Variants in ABHD17B observed in about 807,000 individuals in gnomAD.
The protein encoded by ABHD17B is abhydrolase domain containing 17B, depalmitoylase, also known as alpha/beta hydrolase domain-containing protein 17B.
In ABHD17B, 9 loss-of-function variants were observed where a neutral mutation model predicts 26.2. That is an observed-to-expected ratio of 0.34 (90% confidence interval 0.21 to 0.60). The LOEUF is 0.60. Ranked by LOEUF, ABHD17B falls within the 20% of genes least tolerant of loss-of-function variation. ABHD17B has a pLI of 0.80. For synonymous variants in ABHD17B, 127 were observed against 122.3 expected, an observed-to-expected ratio of 1.04 and a Z score of -0.25; for missense variants, 224 against 352.1, an observed-to-expected ratio of 0.64 and a Z score of 2.91.
At chr9:71,889,689 A>C (rs191937593) in intron 1 of ABHD17B, among the ~76,000 whole-genome samples, 90 of 152,284 alleles carry the variant, frequency 5.9e-4, no homozygotes, top group African/African-American at 2.1e-3. Flanking sequence ...AATCATTCAA[A>C]AATAACTAAA....
chr9:71,892,877 T>C (rs963547337), intron 1 of ABHD17B, among the ~76,000 whole-genome samples: 7 of 152,136 alleles, frequency 4.6e-5, no homozygotes, highest in African/African-American at 1.7e-4. Flanking sequence ...TGTGCAATTA[T>C]CACCAGATTT....
downstream of ABHD17B, among the ~76,000 whole-genome samples, chr9:71,864,991 A>C (rs1825914348): frequency 6.6e-6 from 1 of 152,204 alleles, no homozygotes; most frequent in African/African-American, 2.4e-5. Context: ...AAGAAACTGT[A>C]TAGGTTACAA....
In ABHD17B at chr9:71,865,826, A is replaced by C. The variant is rs1342853318; in HGVS notation, c.*961T>G. ...CAGTGAATCAAGATCGCGCCACTGCACTCCAGCCTCAGTGACACAGCAAGA... is the reference window on the plus strand; with the variant it reads ...CAGTGAATCAAGATCGCGCCACTGCCCTCCAGCCTCAGTGACACAGCAAGA... On this transcript the variant is annotated 3_prime_UTR_variant, in exon 4 of 4. Coordinates refer to ENST00000333421, the MANE Select transcript of ABHD17B (RefSeq NM_001025780.3). The C allele has an allele frequency of 1.7e-5, 16 of 933,614 alleles. No individual in the cohort carries two copies. The highest frequency in any genetic ancestry group is 2.0e-5 in the Non-Finnish European group (16 of 782,838). The allele number at this position is 933,614 out of a possible 1,614,324, so 57.8% of individuals were successfully genotyped here.
chr9:71,863,363 G>C (rs1825875714), downstream of ABHD17B, among the ~76,000 whole-genome samples: 1 of 152,168 alleles, frequency 6.6e-6, no homozygotes, highest in African/African-American at 2.4e-5. Flanking sequence ...TTTCTAGTGA[G>C]AAAACTGAGG....
chr9:71,878,909 A>G (rs1479982341), intron 1 of ABHD17B, among the ~76,000 whole-genome samples: 1 of 152,174 alleles, frequency 6.6e-6, no homozygotes, highest in Non-Finnish European at 1.5e-5. Flanking sequence ...TAATCCCAAC[A>G]CTTTGGGAGG....
At chr9:71,874,174 TTAA>T (rs1284691598) in intron 2 of ABHD17B, among the ~76,000 whole-genome samples, 6 of 134,458 alleles carry the variant, frequency 4.5e-5, no homozygotes, top group Non-Finnish European at 1.0e-4. Context: ...GTCACTGGAT[TTAA>T]TTTTTTTTTT....
chr9:71,868,969 G>A lies in ABHD17B; in HGVS notation c.647+1114C>T, dbSNP rs112515270. 3.9e-3 allele frequency among the ~76,000 whole-genome samples: 591 copies of A among 152,272 alleles called. 4 individuals are homozygous for A. The highest frequency in any genetic ancestry group is 0.014 in the Middle Eastern group (4 of 294). On this transcript the variant is annotated intron_variant, in intron 3 of 3. Coordinates refer to ENST00000333421, the MANE Select transcript of ABHD17B (RefSeq NM_001025780.3). ...CTCCAAAAGTGCTGGGACTACAGGC[G>A]TGAACCACTGTGCCTGGCCAAACAG... is the stretch of plus-strand genomic sequence containing the variant.
chr9:71,892,358 T>C (rs896129920), intron 1 of ABHD17B, among the ~76,000 whole-genome samples: 27 of 151,484 alleles, frequency 1.8e-4, no homozygotes, highest in Non-Finnish European at 2.8e-4. Context: ...CGGTGAAACC[T>C]CATCTCTACT....
intron 1 of ABHD17B, among the ~76,000 whole-genome samples, chr9:71,900,974 C>G (rs981804257): frequency 2.0e-5 from 3 of 151,896 alleles, no homozygotes; most frequent in Admixed American, 6.6e-5. Context: ...ACTGTGAAAC[C>G]CCGTCTCTCC....
chr9:71,870,334 G>T, intron 2 of ABHD17B, 72 bp from the exon 3 acceptor site: 9 of 1,345,654 alleles, frequency 6.7e-6, no homozygotes, highest in South Asian at 1.7e-5. Flanking sequence ...TCATTCCAAA[G>T]GATTTGATCT....
At chr9:71,863,528 A>C (rs1193252377), downstream of ABHD17B, among the ~76,000 whole-genome samples, 2 of 152,188 alleles carry the variant, frequency 1.3e-5, no homozygotes, top group Non-Finnish European at 2.9e-5. Context: ...TGGAATACAA[A>C]GTCTCAAACG....
At chr9:71,886,599 ACCCTCCGC>A in intron 1 of ABHD17B, among the ~76,000 whole-genome samples, 2 of 151,844 alleles carry the variant, frequency 1.3e-5, no homozygotes, top group Non-Finnish European at 2.9e-5. Context: ...GGCTCACTGC[ACCCTCCGC>A]CTCCCAGGCT....
intron 1 of ABHD17B, chr9:71,902,378 T>C (rs893057404): frequency 1.3e-5 from 2 of 152,192 alleles, no homozygotes; most frequent in Non-Finnish European, 2.9e-5. Flanking sequence ...TTTATATATG[T>C]AAAGTCCTGC....
At chr9:71,903,374 C>T (rs1217832288) in intron 1 of ABHD17B, among the ~76,000 whole-genome samples, 1 of 151,976 alleles carries the variant, frequency 6.6e-6, no homozygotes, top group Non-Finnish European at 1.5e-5. Flanking sequence ...CGTATTTTTG[C>T]TTTTATACTT....
At chr9:71,870,799 T>A (rs1297997594) in intron 2 of ABHD17B, among the ~76,000 whole-genome samples, 1 of 152,216 alleles carries the variant, frequency 6.6e-6, no homozygotes, top group Non-Finnish European at 1.5e-5. Flanking sequence ...TTACGATTTT[T>A]CTTAAAATTG....
At chr9:71,894,171 A>G (rs983451102) in intron 1 of ABHD17B, among the ~76,000 whole-genome samples, 1 of 151,890 alleles carries the variant, frequency 6.6e-6, no homozygotes, top group Non-Finnish European at 1.5e-5. Context: ...GTATGACACA[A>G]CACAAGAATG....
intron 1 of ABHD17B, among the ~76,000 whole-genome samples, chr9:71,883,416 T>C (rs1041952090): frequency 1.6e-4 from 24 of 152,312 alleles, no homozygotes; most frequent in Middle Eastern, 3.4e-3. Context: ...GGACTAGGGA[T>C]TGACACAGCT....
intron 1 of ABHD17B, among the ~76,000 whole-genome samples, chr9:71,902,802 G>C (rs1309227063): frequency 6.6e-6 from 1 of 152,174 alleles, no homozygotes; most frequent in Admixed American, 6.5e-5. Context: ...ATCTGCAGAT[G>C]ACATTTTTGG....
intron 1 of ABHD17B, among the ~76,000 whole-genome samples, chr9:71,895,477 T>C (rs1826927123): frequency 6.6e-6 from 1 of 152,220 alleles, no homozygotes; most frequent in Admixed American, 6.5e-5. Context: ...TCTTTGCAAC[T>C]TACTCTCAAG....
Sources: gnomAD v4.1 joint callset for allele counts (sites outside exome capture counted in the v4.1 genomes callset) on GRCh38, gnomAD v4.1.1 for gene constraint, MANE v1.5 for transcripts, NCBI Gene and HGNC (gene_info 2026-07-23, HGNC 2026-07-21) for gene names.